The following CDH9 variants were observed in gnomAD, a reference collection of about 807,000 sequenced individuals.
The protein encoded by CDH9 is cadherin 9.
A neutral mutation model predicts 70.9 loss-of-function variants in CDH9; 28 were observed. The observed-to-expected ratio is 0.40, with a 90% confidence interval of 0.29 to 0.54. CDH9 has a LOEUF of 0.54. Ranked by LOEUF, CDH9 falls within the 20% of genes least tolerant of loss-of-function variation. The pLI, the probability that CDH9 is intolerant of heterozygous loss-of-function variation, is 0.59. For missense variants in CDH9, 874 were observed against 984.4 expected (o/e 0.89, Z 1.50); for synonymous variants, 409 against 343.1 (o/e 1.19, Z -2.12).
chr5:26,988,592 A>C (rs911060201), intron 1 of CDH9, among the ~76,000 whole-genome samples: 3 of 152,012 alleles, frequency 2.0e-5, no homozygotes, highest in Non-Finnish European at 4.4e-5. Context: ...ACTAAACAGG[A>C]ATTTAGCAGC....
intron 2 of CDH9, among the ~76,000 whole-genome samples, chr5:26,922,964 A>G (rs1741270754): frequency 6.6e-6 from 1 of 151,468 alleles, no homozygotes; most frequent in Admixed American, 6.6e-5. Flanking sequence ...AGGAAGACAA[A>G]CAACCAGAAA....
intron 2 of CDH9, among the ~76,000 whole-genome samples, chr5:26,977,487 A>ATATATATATATATATATATATATATG (rs1554001716): frequency 3.9e-5 from 4 of 102,804 alleles, no homozygotes; most frequent in African/African-American, 2.8e-4. Flanking sequence ...GTGTGTGTGT[A>ATATATATATATATATATATATATATG]TATATATATA....
intron 2 of CDH9, among the ~76,000 whole-genome samples, chr5:26,966,809 C>T (rs1041391857): frequency 1.1e-3 from 166 of 152,272 alleles, no homozygotes; most frequent in African/African-American, 3.8e-3. Context: ...ATTACTAGTT[C>T]TTTTTCTGCT....
chr5:26,889,520 G>A (rs1328111580), intron 9 of CDH9, among the ~76,000 whole-genome samples: 2 of 151,886 alleles, frequency 1.3e-5, no homozygotes, highest in East Asian at 1.9e-4. Context: ...CATTCTATTA[G>A]TGAAGATAAC....
At chr5:26,970,345 G>T (rs1297940841) in intron 2 of CDH9, among the ~76,000 whole-genome samples, 3 of 151,754 alleles carry the variant, frequency 2.0e-5, no homozygotes, top group Non-Finnish European at 4.4e-5. Context: ...GCTATGTAAA[G>T]AAATGACCAT....
intron 1 of CDH9, among the ~76,000 whole-genome samples, chr5:27,016,804 T>A (rs571750182): frequency 6.6e-6 from 1 of 151,902 alleles, no homozygotes; most frequent in Non-Finnish European, 1.5e-5. Context: ...ACAGAGAAAG[T>A]TTAAAAGAGC....
intron 2 of CDH9, among the ~76,000 whole-genome samples, chr5:26,941,956 C>A (rs1457711441): frequency 6.6e-6 from 1 of 152,180 alleles, no homozygotes; most frequent in Non-Finnish European, 1.5e-5. Context: ...GAGGGCTATG[C>A]ATGCTAAGGT....
intron 7 of CDH9, among the ~76,000 whole-genome samples, chr5:26,894,321 A>G (rs1209719888): frequency 6.6e-6 from 1 of 152,136 alleles, no homozygotes; most frequent in African/African-American, 2.4e-5. Context: ...TGGTATTTCT[A>G]TAACTGAGGA....
intron 2 of CDH9, among the ~76,000 whole-genome samples, chr5:26,943,517 A>G (rs1394990556): frequency 6.6e-6 from 1 of 151,884 alleles, no homozygotes; most frequent in Non-Finnish European, 1.5e-5. Context: ...CATCTCAAAA[A>G]AAAAAAAAAA....
In CDH9 at chr5:26,885,883, T is replaced by TA. The variant is rs752142379; in HGVS notation, c.1631-19dup. On this transcript the variant is annotated intron_variant, in intron 10 of 11. Transcript: ENST00000231021. ...TGTATTATCTGGGGGAGAAAACATGTAAAAAAACAAAAACTTTCATATTTG... is the reference window on the plus strand; with the variant it reads ...TGTATTATCTGGGGGAGAAAACATGTAAAAAAAACAAAAACTTTCATATTTG... The TA allele has an allele frequency of 8.7e-6, 14 of 1,606,500 alleles. No individual in the cohort carries two copies. In the East Asian group the frequency reaches 1.8e-4, roughly 20 times the overall value.
chr5:26,924,208 A>C (rs556201941), intron 2 of CDH9, among the ~76,000 whole-genome samples: 2 of 152,166 alleles, frequency 1.3e-5, no homozygotes, highest in Admixed American at 1.3e-4. Context: ...AAGATAAAAA[A>C]TGACATATTA....
chr5:26,890,560 AGT>A lies in CDH9; in HGVS notation c.1256_1257del (p.Tyr419PhefsTer3). 1 of 1,603,754 alleles carries A rather than the reference AGT, an allele frequency of 6.2e-7. No individual in the cohort carries two copies. On this transcript the variant is annotated frameshift_variant and splice_region_variant, in exon 8 of 12. Transcript: ENST00000231021. LOFTEE classifies it high-confidence loss of function. ...DPDARNNLIK[Y>X]SVDRHTDMDR... ...TCCATATCAGTATGCCGATCAACAG[AGT>A]ACCTGGCAGAAGACAGACTCATAAA...
intron 2 of CDH9, among the ~76,000 whole-genome samples, chr5:26,919,005 G>A (rs2112009265): frequency 6.6e-6 from 1 of 152,248 alleles, no homozygotes; most frequent in South Asian, 2.1e-4. Flanking sequence ...TGTGGAAGAG[G>A]AGGTGGAGGA....
In CDH9 at chr5:26,881,003, T is replaced by A. The variant is rs1740449764; in HGVS notation, c.*133A>T. ...AAGACTTACTGATTAAGCAAATCCC[T>A]ACTTGACAACATCTACGTATTGTTT... On this transcript the variant is annotated 3_prime_UTR_variant, in exon 12 of 12. Coordinates refer to ENST00000231021, the MANE Select transcript of CDH9 (RefSeq NM_016279.4). The A allele has an allele frequency of 1.3e-6, 1 of 752,980 alleles. No homozygotes were observed. 46.6% of individuals were successfully genotyped at this position (752,980 alleles called of 1,614,324 possible).
At chr5:26,986,270 A>G (rs2112089568) in intron 2 of CDH9, among the ~76,000 whole-genome samples, 1 of 152,188 alleles carries the variant, frequency 6.6e-6, no homozygotes. Context: ...TCAAGAATAA[A>G]TTGGCAAAAA....
At chr5:27,033,210 A>C (rs1221632403) in intron 1 of CDH9, among the ~76,000 whole-genome samples, 1 of 151,150 alleles carries the variant, frequency 6.6e-6, no homozygotes, top group Non-Finnish European at 1.5e-5. Context: ...ATTTGTTTAT[A>C]ATATAATATC....
chr5:26,988,196 T>A lies in CDH9; in HGVS notation c.138A>T (p.Lys46Asn). ...AGCCACGCTTGGTGCGACGTAGCAT[T>A]TTACCGTCATCTTTTGTCAGACCCG... ...KIAGLTKDDGKMLRRTKRGWM... is the reference protein window; with the variant it reads ...KIAGLTKDDGNMLRRTKRGWM... Residue 46 changes from lysine (K) to asparagine (N), a missense_variant, in exon 2 of 12, where the codon AAA becomes AAT. By Grantham distance (94) the Lys-to-Asn change is moderately conservative. Transcript: ENST00000231021. 6.2e-7 allele frequency: 1 copy of A among 1,613,506 alleles called. No individual in the cohort carries two copies. Among genetic ancestry groups the A allele is most frequent in the Non-Finnish European group, 8.5e-7 (1 of 1,179,634 alleles).
chr5:26,918,415 C>G (rs1476865023), intron 2 of CDH9, among the ~76,000 whole-genome samples: 1 of 152,160 alleles, frequency 6.6e-6, no homozygotes, highest in Non-Finnish European at 1.5e-5. Flanking sequence ...TTACCATGCC[C>G]ACTAAACTGT....
At chr5:26,993,504 A>C (rs1189246517) in intron 1 of CDH9, among the ~76,000 whole-genome samples, 1 of 152,088 alleles carries the variant, frequency 6.6e-6, no homozygotes, top group Non-Finnish European at 1.5e-5. Context: ...AAAGTATTTG[A>C]GAGTGAATAC....
Sources: allele counts gnomAD v4.1 joint callset (sites outside exome capture counted in the v4.1 genomes callset), GRCh38; gene constraint gnomAD v4.1.1; transcripts MANE v1.5; gene names NCBI Gene and HGNC (gene_info 2026-07-23, HGNC 2026-07-21).